Variants in TMC5 observed in about 807,000 individuals in gnomAD.
TMC5 encodes the protein transmembrane channel like 5.
TMC5 carries 86 observed loss-of-function variants against 110.5 expected under a neutral mutation model. The observed-to-expected ratio is 0.78, with a 90% CI of 0.65 to 0.93. TMC5 has a LOEUF of 0.93. Among genes scored for constraint, TMC5 ranks in the 40% least tolerant of loss-of-function variants. The pLI is 0.00. For missense variants in TMC5, 1,144 were observed against 1,222.8 expected (o/e 0.94, Z 0.96); for synonymous variants, 455 against 439.5 (o/e 1.04, Z -0.44).
At chr16:19,455,170 A>G (rs1272752433) in intron 5 of TMC5, among the ~76,000 whole-genome samples, 1 of 151,774 alleles carries the variant, frequency 6.6e-6, no homozygotes, top group Non-Finnish European at 1.5e-5. Context: ...ACTTTTTTTT[A>G]CATGCGGTGG....
chr16:19,448,186 C>T (rs1050817942), intron 4 of TMC5, among the ~76,000 whole-genome samples: 4 of 134,640 alleles, frequency 3.0e-5, no homozygotes, highest in African/African-American at 1.3e-4. Flanking sequence ...TAGAGTAAGG[C>T]TATGTTAGAG....
At chr16:19,463,408 G>T (rs751921608) in intron 7 of TMC5, 41 bp downstream of exon 7, 2 of 1,471,026 alleles carry the variant, frequency 1.4e-6, no homozygotes, top group Non-Finnish European at 1.9e-6. Context: ...GTGAAAACAG[G>T]GAGGGAGGAG....
chr16:19,432,647 C>G (rs889477963), intron 2 of TMC5, among the ~76,000 whole-genome samples: 1 of 152,110 alleles, frequency 6.6e-6, no homozygotes, highest in Non-Finnish European at 1.5e-5. Context: ...GGGTTTAGCT[C>G]TTTGTTTGTT....
intron 12 of TMC5, 41 bp downstream of exon 12, chr16:19,474,317 C>T (rs1597205859): frequency 6.3e-7 from 1 of 1,596,788 alleles, no homozygotes. Flanking sequence ...TCTATTTCCA[C>T]AGAGAGAAGT....
At chr16:19,485,675 T>C (rs1968722771) in intron 15 of TMC5, among the ~76,000 whole-genome samples, 1 of 152,184 alleles carries the variant, frequency 6.6e-6, no homozygotes, top group Admixed American at 6.5e-5. Context: ...AAATCACAAA[T>C]AACTGGAAAA....
intron 19 of TMC5, among the ~76,000 whole-genome samples, chr16:19,492,602 T>C (rs1968935765): frequency 2.0e-5 from 3 of 151,636 alleles, no homozygotes; most frequent in Admixed American, 2.0e-4. Flanking sequence ...CCTGCCACCA[T>C]GCCCAGCTAA....
At chr16:19,481,799 T>G (rs918985743) in intron 15 of TMC5, among the ~76,000 whole-genome samples, 2 of 152,166 alleles carry the variant, frequency 1.3e-5, no homozygotes, top group African/African-American at 4.8e-5. Flanking sequence ...ATTCATATGT[T>G]GAAACCTTAC....
At chr16:19,459,626 T>TA (rs1433293475) in intron 5 of TMC5, among the ~76,000 whole-genome samples, 2 of 151,864 alleles carry the variant, frequency 1.3e-5, no homozygotes, top group East Asian at 3.9e-4. Context: ...ATAATAATTT[T>TA]AAAAAATTAG....
intron 1 of TMC5, among the ~76,000 whole-genome samples, chr16:19,419,412 T>TG (rs1444590220): frequency 1.5e-5 from 2 of 129,884 alleles, no homozygotes; most frequent in East Asian, 4.3e-4. Flanking sequence ...GTTTTTTTTT[T>TG]TTTTTTTTTT....
chr16:19,490,454 T>C lies in TMC5; in HGVS notation c.2633T>C (p.Ile878Thr), dbSNP rs1286032648. ...GGTCTGCCTCTCTTCATTCACTCCA[T>C]CTACAGCTGGATCGACACCCTAAGT... is the stretch of plus-strand genomic sequence containing the variant. ...FRGLPLFIHSIYSWIDTLSTR... is the reference protein window; with the variant it reads ...FRGLPLFIHSTYSWIDTLSTR... The change falls in exon 18 of 22, where the codon ATC (isoleucine) becomes ACC (threonine). Residue 878 changes from isoleucine to threonine, a missense_variant. By Grantham distance (89) the Ile-to-Thr change is moderately conservative. Coordinates refer to ENST00000542583, the MANE Select transcript of TMC5 (RefSeq NM_001261841.2). 7 of 1,614,162 alleles carry C rather than the reference T, an allele frequency of 4.3e-6. No homozygotes were observed. The highest frequency in any genetic ancestry group is 5.1e-6 in the Non-Finnish European group (6 of 1,180,012).
chr16:19,464,499 C>T (rs1241334929), intron 8 of TMC5, among the ~76,000 whole-genome samples: 1 of 152,182 alleles, frequency 6.6e-6, no homozygotes, highest in Non-Finnish European at 1.5e-5. Flanking sequence ...TTTCTGTCTC[C>T]AGAGGCAACC....
upstream of TMC5, among the ~76,000 whole-genome samples, chr16:19,415,694 C>T (rs1023252259): frequency 2.6e-5 from 4 of 152,320 alleles, no homozygotes; most frequent in African/African-American, 9.6e-5. Context: ...TTCCTAGAGT[C>T]AAATGCTGCC....
At chr16:19,495,807 C>G (rs1201462524) in intron 20 of TMC5, among the ~76,000 whole-genome samples, 2 of 151,828 alleles carry the variant, frequency 1.3e-5, no homozygotes, top group Admixed American at 6.6e-5. Context: ...TCACCGCACT[C>G]CAGCTTGGGA....
chr16:19,436,280 A>AAAAAAAAAAAG (rs1217808622), intron 2 of TMC5, among the ~76,000 whole-genome samples: 12 of 151,162 alleles, frequency 7.9e-5, no homozygotes, highest in Non-Finnish European at 1.5e-4. Flanking sequence ...AAAGAAAAAA[A>AAAAAAAAAAAG]AAAAGAAAGG....
chr16:19,457,524 A>G (rs79342129), intron 5 of TMC5, among the ~76,000 whole-genome samples: 7,518 of 152,120 alleles, frequency 0.049, 256 homozygotes, highest in East Asian at 0.14. Flanking sequence ...CTTATTTTGT[A>G]TGCCTTGTGC....
At chr16:19,465,970 A>C in intron 8 of TMC5, 112 bp from the exon 9 acceptor site, 1 of 1,176,578 alleles carries the variant, frequency 8.5e-7, no homozygotes, top group Non-Finnish European at 1.2e-6. Flanking sequence ...AAAATGTCTA[A>C]ACTGACTGGC....
At chr16:19,426,433 G>T in intron 1 of TMC5, among the ~76,000 whole-genome samples, 1 of 152,156 alleles carries the variant, frequency 6.6e-6, no homozygotes, top group East Asian at 1.9e-4. Context: ...GCAGGATTCT[G>T]AGCACACTGA....
intron 2 of TMC5, among the ~76,000 whole-genome samples, chr16:19,434,415 CTATA>C (rs1967291343): frequency 7.9e-6 from 1 of 126,362 alleles, no homozygotes; most frequent in Non-Finnish European, 1.6e-5. Context: ...TCATATATAT[CTATA>C]TATAATATGT....
intron 5 of TMC5, among the ~76,000 whole-genome samples, chr16:19,457,718 T>TTTTTTTTTG (rs1967919826): frequency 1.4e-5 from 1 of 73,400 alleles, no homozygotes; most frequent in Non-Finnish European, 2.4e-5. Context: ...TCTTTTTTTT[T>TTTTTTTTTG]TTTTTTTTTT....
Sources: gnomAD v4.1 joint callset for allele counts (sites outside exome capture counted in the v4.1 genomes callset) on GRCh38, gnomAD v4.1.1 for gene constraint, MANE v1.5 for transcripts, NCBI Gene and HGNC (gene_info 2026-07-23, HGNC 2026-07-21) for gene names.